NBEA: variants seen among roughly 807,000 people sequenced by gnomAD.
NBEA encodes the protein neurobeachin, also known as lysosomal-trafficking regulator 2.
NBEA carries 44 observed loss-of-function variants against 343.4 expected under a neutral mutation model. That is an observed-to-expected ratio of 0.13 (90% CI 0.10 to 0.16). The LOEUF is 0.16. Among genes scored for constraint, NBEA ranks in the 10% least tolerant of loss-of-function variants. NBEA has a pLI of 1.00. For synonymous variants in NBEA, 1,175 were observed against 1,238.7 expected (o/e 0.95, Z 1.08); for missense variants, 2,555 against 3,631.3 (o/e 0.70, Z 7.62).
intron 31 of NBEA, among the ~76,000 whole-genome samples, chr13:35,201,972 A>T (rs908980784): frequency 2.6e-5 from 4 of 152,216 alleles, no homozygotes; most frequent in African/African-American, 9.6e-5. Context: ...TGTGAAGCTG[A>T]TGAAAATTCT....
chr13:35,358,795 G>A (rs371115352), intron 38 of NBEA, among the ~76,000 whole-genome samples: 1 of 152,112 alleles, frequency 6.6e-6, no homozygotes, highest in East Asian at 1.9e-4. Flanking sequence ...TACTTTGAAG[G>A]AGCACATAAA....
chr13:35,588,408 A>T (rs897504343), intron 46 of NBEA, among the ~76,000 whole-genome samples: 1 of 151,756 alleles, frequency 6.6e-6, no homozygotes, highest in Non-Finnish European at 1.5e-5. Flanking sequence ...GTTCACAAAA[A>T]TAAAATACAC....
intron 38 of NBEA, among the ~76,000 whole-genome samples, chr13:35,416,037 TTTG>T (rs1206975639): frequency 6.6e-6 from 1 of 152,160 alleles, no homozygotes; most frequent in Non-Finnish European, 1.5e-5. Flanking sequence ...TCCCTGTTTG[TTTG>T]TTATTGGTGT....
chr13:35,302,498 T>C (rs1024104295), intron 35 of NBEA, among the ~76,000 whole-genome samples: 4 of 152,204 alleles, frequency 2.6e-5, no homozygotes, highest in Non-Finnish European at 5.9e-5. Context: ...TTATACTCTC[T>C]TAATATTAGG....
chr13:35,484,272 GTGTA>G (rs1395046898), intron 41 of NBEA, among the ~76,000 whole-genome samples: 1,927 of 114,880 alleles, frequency 0.017, 13 homozygotes, highest in South Asian at 0.036. Context: ...GTGTGTGTGT[GTGTA>G]TATATATATA....
intron 40 of NBEA, among the ~76,000 whole-genome samples, chr13:35,463,402 C>G (rs1306440248): frequency 6.6e-6 from 1 of 152,050 alleles, no homozygotes; most frequent in Non-Finnish European, 1.5e-5. Context: ...GCGGGAGGAT[C>G]GCTTAAGCTC....
Position 35,649,699 on chromosome 13 carries a change from A to G in NBEA, c.7815A>G (p.Gln2605=). 6.2e-7 allele frequency: 1 copy of G among 1,613,942 alleles called. No homozygotes were observed. The change falls in exon 52 of 59, where the codon CAA becomes CAG. Residue 2605 remains glutamine, a synonymous_variant. Transcript: ENST00000379939. ...CGCTCATGTTTAAAGATCAGATGCA[A>G]CAGGATGTGATAATGGTGCTGAAGT... ...QSPLMFKDQM[Q]QDVIMVLKFP... is the part of the protein sequence containing the mutation.
chr13:35,372,474 T>C (rs1428154186), intron 38 of NBEA, among the ~76,000 whole-genome samples: 1 of 152,156 alleles, frequency 6.6e-6, no homozygotes, highest in South Asian at 2.1e-4. Context: ...CAGCAGGACC[T>C]GTCCTCAAGT....
At position 35,046,070 on chromosome 13, in the gene NBEA, T is replaced by A. The variant is rs113695670; in HGVS notation, c.723+669T>A. ...AGGCTTCTTTCACTTCCCGTGATGC[T>A]TTTGAGATTTTTCCATGTTGTAGTT... On this transcript the variant is annotated intron_variant, in intron 4 of 58. Coordinates refer to ENST00000379939, the MANE Select transcript of NBEA (RefSeq NM_001385012.1). Among the ~76,000 whole-genome samples the A allele has an allele frequency of 3.3e-5, 5 of 152,252 alleles. 1 individual carries two copies. The highest frequency in any genetic ancestry group is 1.2e-4 in the African/African-American group (5 of 41,560).
intron 34 of NBEA, among the ~76,000 whole-genome samples, chr13:35,288,404 A>G (rs1222152159): frequency 6.6e-6 from 1 of 151,960 alleles, no homozygotes; most frequent in East Asian, 1.9e-4. Flanking sequence ...TCCAAAACTA[A>G]TTAGACAAAA....
chr13:35,220,125 C>G (rs765304199), intron 33 of NBEA, among the ~76,000 whole-genome samples: 9 of 152,148 alleles, frequency 5.9e-5, no homozygotes, highest in Non-Finnish European at 1.3e-4. Flanking sequence ...TATTCCCAGA[C>G]AATGCATGGC....
At chr13:35,411,724 T>G (rs746426123) in intron 38 of NBEA, among the ~76,000 whole-genome samples, 108 of 152,126 alleles carry the variant, frequency 7.1e-4, no homozygotes, top group Non-Finnish European at 1.4e-3. Context: ...TCTTGAACTC[T>G]TGGGCTCAAG....
rs778253148 is a variant in NBEA at position 35,159,772 on chromosome 13, A to G, written c.3601A>G (p.Ser1201Gly). 8.1e-6 allele frequency: 13 copies of G among 1,612,828 alleles called. No homozygotes were observed. The African/African-American group carries it at 9.3e-5, about 12-fold the overall frequency. The change falls in exon 22 of 59, where the codon AGT becomes GGT. Residue 1201 changes from serine to glycine, a missense_variant. Coordinates refer to ENST00000379939, the MANE Select transcript of NBEA (RefSeq NM_001385012.1). Reference sequence around the variant, plus strand: ...TAGCGTAGACTTAACTTGTACATCCAGTATAATAGAAGAAAAAGAATTCAA... The same window carrying G: ...TAGCGTAGACTTAACTTGTACATCCGGTATAATAGAAGAAAAAGAATTCAA... ...TGSVDLTCTSSIIEEKEFKIH... is the reference protein window; with the variant it reads ...TGSVDLTCTSGIIEEKEFKIH...
chr13:35,045,108 A>C (rs2062801286), intron 3 of NBEA, 61 bp downstream of exon 3: 1 of 1,447,736 alleles, frequency 6.9e-7, no homozygotes. Flanking sequence ...AATGTTCAAA[A>C]GTTTGTCTCT....
At chr13:35,139,744 G>GGTT (rs748664053) in intron 17 of NBEA, among the ~76,000 whole-genome samples, 1 of 61,118 alleles carries the variant, frequency 1.6e-5, no homozygotes, top group East Asian at 6.1e-4. Context: ...GATGGATGGC[G>GGTT]TTTTTTTTTT....
intron 40 of NBEA, among the ~76,000 whole-genome samples, chr13:35,472,027 T>C (rs2075673891): frequency 6.6e-6 from 1 of 152,070 alleles, no homozygotes; most frequent in Admixed American, 6.5e-5. Flanking sequence ...TTGGGGGCAG[T>C]GCTGACTGCC....
At position 35,159,767 on chromosome 13, in the gene NBEA, C is replaced by T. The variant is rs1312728574; in HGVS notation, c.3596C>T (p.Thr1199Ile). Reference sequence around the variant, plus strand: ...ACCGGTAGCGTAGACTTAACTTGTACATCCAGTATAATAGAAGAAAAAGAA... The same window carrying T: ...ACCGGTAGCGTAGACTTAACTTGTATATCCAGTATAATAGAAGAAAAAGAA... ...HMTGSVDLTCTSSIIEEKEFK... is the reference protein window; with the variant it reads ...HMTGSVDLTCISSIIEEKEFK... Residue 1199 changes from threonine (T) to isoleucine (I), a missense_variant, in exon 22 of 59, where the codon ACA becomes ATA. Physicochemically the swap from Thr to Ile is moderately conservative, Grantham distance 89. Coordinates refer to ENST00000379939, the MANE Select transcript of NBEA (RefSeq NM_001385012.1). 1.2e-6 allele frequency: 2 copies of T among 1,612,936 alleles called. No homozygotes were observed. The highest frequency in any genetic ancestry group is 1.7e-6 in the Non-Finnish European group (2 of 1,179,560).
chr13:35,078,171 A>C (rs2064203775), intron 10 of NBEA, among the ~76,000 whole-genome samples: 1 of 152,168 alleles, frequency 6.6e-6, no homozygotes. Flanking sequence ...AGCCATAGGT[A>C]ATCTGTATAC....
intron 39 of NBEA, among the ~76,000 whole-genome samples, chr13:35,434,605 A>G (rs533118533): frequency 2.0e-5 from 3 of 152,218 alleles, no homozygotes; most frequent in Non-Finnish European, 4.4e-5. Context: ...TATCTCCAAA[A>G]ACAATTATCC....
Sources: allele counts gnomAD v4.1 joint callset (sites outside exome capture counted in the v4.1 genomes callset), GRCh38; gene constraint gnomAD v4.1.1; transcripts MANE v1.5; gene names NCBI Gene and HGNC (gene_info 2026-07-23, HGNC 2026-07-21).